The following NR2F1-AS1 variants were observed in gnomAD, a reference collection of about 807,000 sequenced individuals.
NR2F1-AS1 encodes NR2F1 antisense RNA 1.
chr5:93,478,985 G>A (rs78380071), intron 4 of NR2F1-AS1, among the ~76,000 whole-genome samples: 2,570 of 152,258 alleles, frequency 0.017, 79 homozygotes, highest in African/African-American at 0.059. Flanking sequence ...CAAAACAACA[G>A]TTGAGTTGAC....
chr5:93,416,820 A>T (rs1423891137), intron 4 of NR2F1-AS1, among the ~76,000 whole-genome samples: 1 of 152,178 alleles, frequency 6.6e-6, no homozygotes, highest in African/African-American at 2.4e-5. Context: ...ATTAAAAGTA[A>T]TATCTCAGAG....
chr5:93,415,854 T>C (rs1748956769), intron 4 of NR2F1-AS1, among the ~76,000 whole-genome samples: 1 of 152,216 alleles, frequency 6.6e-6, no homozygotes, highest in Non-Finnish European at 1.5e-5. Context: ...CAAAGGAAGA[T>C]GGGCACTTTT....
chr5:93,557,206 G>A (rs533361668), intron 2 of NR2F1-AS1, among the ~76,000 whole-genome samples: 149 of 152,286 alleles, frequency 9.8e-4, no homozygotes, highest in African/African-American at 2.9e-3. Context: ...TTGGTAATGC[G>A]TAGAGCTGCT....
At chr5:93,580,204 G>C (rs955622914) in intron 1 of NR2F1-AS1, among the ~76,000 whole-genome samples, 1 of 152,236 alleles carries the variant, frequency 6.6e-6, no homozygotes, top group Non-Finnish European at 1.5e-5. Context: ...AGCCTGTTTT[G>C]AATGTGGATT....
intron 4 of NR2F1-AS1, among the ~76,000 whole-genome samples, chr5:93,495,274 T>C (rs1253597545): frequency 1.1e-4 from 17 of 152,182 alleles, no homozygotes; most frequent in Admixed American, 1.0e-3. Flanking sequence ...TACATACATG[T>C]GGTTGTTCTT....
At chr5:93,475,099 G>A (rs574064051) in intron 4 of NR2F1-AS1, among the ~76,000 whole-genome samples, 1 of 150,992 alleles carries the variant, frequency 6.6e-6, no homozygotes, top group East Asian at 2.0e-4. Context: ...ACTCCAGCCT[G>A]GGCAACAGAG....
At chr5:93,569,736 A>G (rs1373707449) in intron 1 of NR2F1-AS1, among the ~76,000 whole-genome samples, 1 of 152,256 alleles carries the variant, frequency 6.6e-6, no homozygotes, top group East Asian at 1.9e-4. Flanking sequence ...TTTGAAAGAA[A>G]GCAGACCCCA....
In NR2F1-AS1 at chr5:93,454,300, GATAAA is replaced by G. The variant is rs1251667606; in HGVS notation, n.639-58763_639-58759del. ...GGGAAACCCTGTCTCATAAAAAGAA[GATAAA>G]ATAAAAGAAAAAGATAAAGGAGATT... On this transcript the variant is annotated intron_variant and non_coding_transcript_variant, in intron 4 of 5. Coordinates refer to ENST00000660523, the Ensembl canonical transcript of NR2F1-AS1. 4.6e-5 allele frequency among the ~76,000 whole-genome samples: 7 copies of G among 151,994 alleles called. No homozygotes were observed. In the East Asian group the frequency reaches 5.8e-4, roughly 13 times the overall value.
intron 4 of NR2F1-AS1, among the ~76,000 whole-genome samples, chr5:93,511,264 AG>A (rs1751290066): frequency 6.6e-6 from 1 of 152,178 alleles, no homozygotes; most frequent in Non-Finnish European, 1.5e-5. Flanking sequence ...AGGTGAAAGA[AG>A]GAAGAATTCA....
upstream of NR2F1-AS1, among the ~76,000 whole-genome samples, chr5:93,582,895 T>TC (rs1437332069): frequency 6.7e-6 from 1 of 148,384 alleles, no homozygotes; most frequent in Non-Finnish European, 1.5e-5. Flanking sequence ...CACACCCCCC[T>TC]CCCTCACTTT....
chr5:93,558,589 TG>T (rs1191656430), intron 2 of NR2F1-AS1, among the ~76,000 whole-genome samples: 1 of 152,224 alleles, frequency 6.6e-6, no homozygotes, highest in Non-Finnish European at 1.5e-5. Context: ...CCCAAAGTGC[TG>T]GGATTACAGG....
chr5:93,499,147 A>G (rs765469237), intron 4 of NR2F1-AS1, among the ~76,000 whole-genome samples: 3 of 152,214 alleles, frequency 2.0e-5, no homozygotes, highest in Non-Finnish European at 4.4e-5. Context: ...AAGAAATGTC[A>G]TAATTTTAAT....
chr5:93,460,963 C>A (rs539339553), intron 4 of NR2F1-AS1, among the ~76,000 whole-genome samples: 1 of 152,204 alleles, frequency 6.6e-6, no homozygotes, highest in South Asian at 2.1e-4. Context: ...TACCATTCAA[C>A]CCAGCAGTCC....
intron 4 of NR2F1-AS1, among the ~76,000 whole-genome samples, chr5:93,547,769 C>G (rs1294420940): frequency 6.6e-6 from 1 of 152,066 alleles, no homozygotes; most frequent in Admixed American, 6.6e-5. Context: ...TATTTAAAAC[C>G]TGTTTATATC....
At chr5:93,474,672 T>C (rs1005593566) in intron 4 of NR2F1-AS1, among the ~76,000 whole-genome samples, 3 of 152,176 alleles carry the variant, frequency 2.0e-5, no homozygotes, top group Admixed American at 6.5e-5. Context: ...ATTTTTATAA[T>C]GGCACTAATA....
At chr5:93,540,598 T>C (rs369981598) in intron 4 of NR2F1-AS1, among the ~76,000 whole-genome samples, 3 of 152,294 alleles carry the variant, frequency 2.0e-5, no homozygotes, top group African/African-American at 7.2e-5. Flanking sequence ...TAGATAGAGG[T>C]AGTTTTAACA....
At chr5:93,548,536 A>G (rs948163313) in intron 4 of NR2F1-AS1, among the ~76,000 whole-genome samples, 20 of 152,178 alleles carry the variant, frequency 1.3e-4, no homozygotes, top group Non-Finnish European at 1.3e-4. Context: ...AAAACCTACT[A>G]AAGTTAAAAA....
intron 4 of NR2F1-AS1, among the ~76,000 whole-genome samples, chr5:93,459,357 A>T (rs965580384): frequency 6.6e-6 from 1 of 152,200 alleles, no homozygotes; most frequent in Non-Finnish European, 1.5e-5. Flanking sequence ...GAAAAATGCC[A>T]ATTAAAACTA....
intron 4 of NR2F1-AS1, among the ~76,000 whole-genome samples, chr5:93,498,758 T>C (rs573128673): frequency 2.0e-5 from 3 of 151,912 alleles, no homozygotes; most frequent in East Asian, 1.9e-4. Flanking sequence ...CAAAATCAAA[T>C]AGGAATAAAT....
Sources: gnomAD v4.1 joint callset for allele counts (sites outside exome capture counted in the v4.1 genomes callset) on GRCh38, gnomAD v4.1.1 for gene constraint, MANE v1.5 for transcripts, NCBI Gene and HGNC (gene_info 2026-07-23, HGNC 2026-07-21) for gene names.